The following LIMCH1 variants were observed in gnomAD, a reference collection of about 807,000 sequenced individuals.
LIMCH1 encodes the protein LIM and calponin homology domains-containing protein 1.
Under a neutral mutation model 176.5 loss-of-function variants are expected in LIMCH1, and 113 were observed. The observed-to-expected ratio is 0.64, with a 90% CI of 0.55 to 0.75. LIMCH1 has a LOEUF of 0.75. Among genes scored for constraint, LIMCH1 ranks in the 30% least tolerant of loss-of-function variants. The pLI, the probability that LIMCH1 is intolerant of heterozygous loss-of-function variation, is 0.00. For synonymous variants in LIMCH1, 619 were observed against 645.9 expected (o/e 0.96, Z 0.63); for missense variants, 1,674 against 1,814.9 (o/e 0.92, Z 1.41).
intron 1 of LIMCH1, among the ~76,000 whole-genome samples, chr4:41,573,850 T>A (rs1466822062): frequency 6.6e-6 from 1 of 152,168 alleles, no homozygotes; most frequent in Non-Finnish European, 1.5e-5. Flanking sequence ...TAAAGTATTA[T>A]AAGGGACCCA....
chr4:41,565,402 C>G (rs1232633176), intron 1 of LIMCH1, among the ~76,000 whole-genome samples: 2 of 149,950 alleles, frequency 1.3e-5, no homozygotes, highest in Admixed American at 6.7e-5. Context: ...CACACAGACA[C>G]ACACACACAC....
chr4:41,381,734 T>C (rs1434557075), intron 1 of LIMCH1, among the ~76,000 whole-genome samples: 11 of 152,158 alleles, frequency 7.2e-5, no homozygotes, highest in African/African-American at 9.7e-5. Context: ...GATGGCCTGC[T>C]GGAGGATGAG....
intron 2 of LIMCH1, among the ~76,000 whole-genome samples, chr4:41,502,212 C>A (rs1424969027): frequency 6.6e-6 from 1 of 152,050 alleles, no homozygotes; most frequent in African/African-American, 2.4e-5. Context: ...GCTTCCAGCT[C>A]CATCCATGTC....
At position 41,627,136 on chromosome 4, in the gene LIMCH1, T is replaced by C. The variant is rs77504152; in HGVS notation, c.1028+126T>C. The C allele has an allele frequency of 0.011, 13,706 of 1,262,724 alleles. 1,135 individuals are homozygous for C. In the African/African-American group the frequency reaches 0.18, roughly 17 times the overall value. The allele number at this position is 1,262,724 out of a possible 1,614,324, so 78.2% of individuals were successfully genotyped here. Reference sequence around the variant, plus strand: ...CCCCCTCCAGTTCCTCTTTCCAGCCTCTCAATTATATGTACTTTGTAATGG... The same window carrying C: ...CCCCCTCCAGTTCCTCTTTCCAGCCCCTCAATTATATGTACTTTGTAATGG... On this transcript the variant is annotated intron_variant, in intron 8 of 31. Transcript: ENST00000503057.
intron 3 of LIMCH1, 125 bp downstream of exon 3, chr4:41,604,030 A>G (rs2090347307): frequency 1.0e-6 from 1 of 952,744 alleles, no homozygotes; most frequent in African/African-American, 1.6e-5. Context: ...TATTTCATAG[A>G]ATAGTTAATG....
intron 1 of LIMCH1, among the ~76,000 whole-genome samples, chr4:41,412,718 G>C (rs2059601014): frequency 6.6e-6 from 1 of 152,160 alleles, no homozygotes; most frequent in Admixed American, 6.5e-5. Context: ...AAGAGACTCT[G>C]GGGAAGTGAG....
chr4:41,551,289 A>T (rs2080379202), intron 1 of LIMCH1: 1 of 152,230 alleles, frequency 6.6e-6, no homozygotes. Flanking sequence ...ATAATTATGG[A>T]TATTTATAAC....
intron 30 of LIMCH1, among the ~76,000 whole-genome samples, chr4:41,690,158 T>TATC (rs745496256): frequency 2.0e-5 from 3 of 152,184 alleles, no homozygotes; most frequent in Non-Finnish European, 4.4e-5. Context: ...CAGACTAAGT[T>TATC]ATCTTTGTTA....
Position 41,632,739 on chromosome 4 carries a change from T to G in LIMCH1, c.1602-10T>G, listed in dbSNP as rs2093390460. On this transcript the variant is annotated splice_polypyrimidine_tract_variant and intron_variant, in intron 10 of 31. Coordinates refer to ENST00000503057, the MANE Select transcript of LIMCH1 (RefSeq NM_001330672.2). ...CTCTCTTGCCACCAATGCTACTTGA[T>G]CGTCTGCAGAACAATGAATTGTGGC... is the stretch of plus-strand genomic sequence containing the variant. The G allele has an allele frequency of 1.3e-6, 2 of 1,533,874 alleles. No homozygotes were observed. The highest frequency in any genetic ancestry group is 2.7e-5 in the African/African-American group (2 of 72,972).
rs1554109824 is a variant in LIMCH1 at position 41,581,112 on chromosome 4, G to GTCTATCTATCTATCTATCTA, written c.-240-17793_-240-17774dup. 4.6e-3 allele frequency among the ~76,000 whole-genome samples: 618 copies of GTCTATCTATCTATCTATCTA among 132,980 alleles called. 3 individuals are homozygous for GTCTATCTATCTATCTATCTA. The highest frequency in any genetic ancestry group is 0.015 in the African/African-American group (448 of 30,378). 87.2% of individuals were successfully genotyped at this position (132,980 alleles called of 152,430 possible). ...TGTCTGTCCATTCATCTGTCTGTCT[G>GTCTATCTATCTATCTATCTA]TCTATCTATCTATCTATCTATCTAT... On this transcript the variant is annotated intron_variant, in intron 1 of 31. Transcript: ENST00000503057.
intron 1 of LIMCH1, among the ~76,000 whole-genome samples, chr4:41,364,222 T>A (rs1270690800): frequency 1.3e-5 from 2 of 152,170 alleles, no homozygotes; most frequent in African/African-American, 4.8e-5. Flanking sequence ...TTAAATCAAT[T>A]AATATATTTA....
At chr4:41,612,380 C>T (rs533855564) in intron 4 of LIMCH1, 29 of 567,614 alleles carry the variant, frequency 5.1e-5, no homozygotes, top group African/African-American at 4.7e-4. Flanking sequence ...GGGACTTTCG[C>T]GAGCATCCCA....
At chr4:41,601,578 C>T (rs1015904302) in intron 2 of LIMCH1, among the ~76,000 whole-genome samples, 4 of 151,992 alleles carry the variant, frequency 2.6e-5, no homozygotes, top group Admixed American at 6.6e-5. Flanking sequence ...GTGTGGTGGG[C>T]GTGGCAGTCC....
In LIMCH1 at chr4:41,699,215, G is replaced by A. The variant is rs977662980; in HGVS notation, c.*2030G>A. 2.0e-5 allele frequency: 3 copies of A among 152,006 alleles called. No homozygotes were observed. The highest frequency in any genetic ancestry group is 6.6e-5 in the Admixed American group (1 of 15,258). The allele number at this position is 152,006 out of a possible 1,614,324, so 9.4% of individuals were successfully genotyped here. ...ACTTTTTACATGTGCAACTCCATCC[G>A]TTATGTAAGGATTACATGAATATTG... On this transcript the variant is annotated 3_prime_UTR_variant, in exon 32 of 32. Transcript: ENST00000503057.
At chr4:41,600,281 T>A (rs551745730) in intron 2 of LIMCH1, among the ~76,000 whole-genome samples, 7 of 152,310 alleles carry the variant, frequency 4.6e-5, no homozygotes, top group African/African-American at 1.7e-4. Flanking sequence ...CATGCCCCAT[T>A]TATTATTGTA....
intron 1 of LIMCH1, among the ~76,000 whole-genome samples, chr4:41,560,538 A>G (rs2081934365): frequency 6.6e-6 from 1 of 152,136 alleles, no homozygotes; most frequent in Admixed American, 6.6e-5. Context: ...GCTTCTCTCT[A>G]AGCTTCATCC....
chr4:41,655,036 G>A (rs1003154450), intron 18 of LIMCH1, among the ~76,000 whole-genome samples: 2 of 151,990 alleles, frequency 1.3e-5, no homozygotes, highest in Non-Finnish European at 2.9e-5. Context: ...CTAATCTGAG[G>A]GCTAATATAT....
chr4:41,675,520 A>G (rs2095188519), intron 22 of LIMCH1, among the ~76,000 whole-genome samples: 1 of 151,946 alleles, frequency 6.6e-6, no homozygotes, highest in Admixed American at 6.6e-5. Flanking sequence ...CCCCATCAGA[A>G]CAAAGGGAAG....
chr4:41,600,704 C>G (rs1325948601), intron 2 of LIMCH1, among the ~76,000 whole-genome samples: 3 of 152,010 alleles, frequency 2.0e-5, no homozygotes, highest in Admixed American at 6.6e-5. Flanking sequence ...ATGTATTCAT[C>G]TAAAAATTGA....
Sources: allele counts gnomAD v4.1 joint callset (sites outside exome capture counted in the v4.1 genomes callset), GRCh38; gene constraint gnomAD v4.1.1; transcripts MANE v1.5; gene names NCBI Gene and HGNC (gene_info 2026-07-23, HGNC 2026-07-21).